Variants in CYB5B observed in about 807,000 individuals in gnomAD.
CYB5B encodes the protein cytochrome b5 type B.
In CYB5B, 14 loss-of-function variants were observed where a neutral mutation model predicts 21.3. The ratio of observed to expected loss-of-function variants is 0.66; its 90% CI spans 0.43 to 1.03. The LOEUF is 1.03. Ranked by LOEUF, CYB5B falls within the 50% of genes least tolerant of loss-of-function variation. The pLI, the probability that CYB5B is intolerant of heterozygous loss-of-function variation, is 0.00. For missense variants in CYB5B, 166 were observed against 185.1 expected (o/e 0.90, Z 0.60); for synonymous variants, 69 against 68.4 (o/e 1.01, Z -0.04).
chr16:69,449,004 G>A (rs2014905595), intron 3 of CYB5B: 1 of 152,158 alleles, frequency 6.6e-6, no homozygotes, highest in Admixed American at 6.6e-5. Context: ...TAACTCAAGA[G>A]ATTGCTTGCT....
chr16:69,436,577 C>CT (rs1202515665), intron 1 of CYB5B, among the ~76,000 whole-genome samples: 4 of 152,212 alleles, frequency 2.6e-5, no homozygotes, highest in Admixed American at 2.6e-4. Context: ...GCCCTGCAGA[C>CT]TGTTTTTTAG....
At chr16:69,428,810 A>AG (rs2142807783) in intron 1 of CYB5B, among the ~76,000 whole-genome samples, 1 of 152,296 alleles carries the variant, frequency 6.6e-6, no homozygotes, top group South Asian at 2.1e-4. Context: ...GCTAGCCATG[A>AG]GGGTATCTGT....
In CYB5B at chr16:69,459,151, G is replaced by A. The variant is rs370741911; in HGVS notation, c.362+30G>A. The A allele has an allele frequency of 8.7e-5, 139 of 1,596,508 alleles. No individual in the cohort carries two copies. In the African/African-American group the frequency reaches 1.3e-3, roughly 15 times the overall value. On this transcript the variant is annotated intron_variant, in intron 4 of 4. Transcript: ENST00000307892. ...GTATCTCCTTAACAGCTTTCCATAC[G>A]TTCAAGGTAATGTCTGGCAAGAGAC...
At chr16:69,428,945 A>C (rs907220285) in intron 1 of CYB5B, among the ~76,000 whole-genome samples, 3 of 152,212 alleles carry the variant, frequency 2.0e-5, no homozygotes, top group African/African-American at 7.2e-5. Flanking sequence ...ACATGAGATC[A>C]GAATGATCAG....
intron 3 of CYB5B, among the ~76,000 whole-genome samples, chr16:69,452,508 C>A (rs2014945221): frequency 1.3e-5 from 2 of 151,628 alleles, no homozygotes; most frequent in Admixed American, 1.3e-4. Context: ...TGGCGAAACC[C>A]CGTTTCTACT....
At chr16:69,426,838 T>G (rs1195146573) in intron 1 of CYB5B, among the ~76,000 whole-genome samples, 1 of 152,172 alleles carries the variant, frequency 6.6e-6, no homozygotes, top group Non-Finnish European at 1.5e-5. Context: ...ATCCCTTGAT[T>G]TCTCTTGTCT....
chr16:69,433,272 AT>A (rs2142810721), intron 1 of CYB5B, among the ~76,000 whole-genome samples: 1 of 152,158 alleles, frequency 6.6e-6, no homozygotes, highest in East Asian at 1.9e-4. Context: ...AACCTAGGTA[AT>A]TTTTTTCATT....
intron 1 of CYB5B, among the ~76,000 whole-genome samples, chr16:69,429,439 A>G (rs2014683126): frequency 6.6e-6 from 1 of 152,088 alleles, no homozygotes; most frequent in African/African-American, 2.4e-5. Context: ...TCCTTTAGCT[A>G]GACACAGAGT....
intron 1 of CYB5B, chr16:69,444,129 C>A: frequency 6.4e-6 from 1 of 155,364 alleles, no homozygotes. Flanking sequence ...GGCTCTGCTT[C>A]AAATTAGGAC....
intron 1 of CYB5B, among the ~76,000 whole-genome samples, chr16:69,433,579 A>G (rs2014728696): frequency 6.6e-6 from 1 of 152,178 alleles, no homozygotes; most frequent in African/African-American, 2.4e-5. Context: ...ATGGATCATT[A>G]TTTAAGCAGT....
intron 3 of CYB5B, chr16:69,450,091 G>A (rs1482872555): frequency 6.6e-6 from 1 of 151,918 alleles, no homozygotes; most frequent in East Asian, 1.9e-4. Context: ...ATTATAATGT[G>A]TGCCTGCAGT....
intron 1 of CYB5B, among the ~76,000 whole-genome samples, chr16:69,433,867 G>C (rs976878440): frequency 2.0e-5 from 3 of 152,212 alleles, no homozygotes; most frequent in African/African-American, 7.2e-5. Flanking sequence ...AACCTAGGTA[G>C]TATAGCCTGC....
At chr16:69,462,345 A>T in intron 4 of CYB5B, 85 bp from the exon 5 acceptor site, 1 of 1,085,836 alleles carries the variant, frequency 9.2e-7, no homozygotes, top group Non-Finnish European at 1.4e-6. Flanking sequence ...CTCCTTGCCT[A>T]TATAAAAACA....
intron 1 of CYB5B, among the ~76,000 whole-genome samples, chr16:69,442,593 T>C (rs907084105): frequency 6.6e-5 from 10 of 152,150 alleles, no homozygotes; most frequent in African/African-American, 2.4e-4. Flanking sequence ...AGTGGCGCCA[T>C]GCCTCGAATT....
At chr16:69,450,922 A>G (rs150065071) in intron 3 of CYB5B, among the ~76,000 whole-genome samples, 2 of 152,324 alleles carry the variant, frequency 1.3e-5, no homozygotes, top group African/African-American at 4.8e-5. Flanking sequence ...TTGCTATTCC[A>G]AAGTGTAAGT....
At chr16:69,442,825 CTTTT>C (rs11436895) in intron 1 of CYB5B, among the ~76,000 whole-genome samples, 3 of 136,150 alleles carry the variant, frequency 2.2e-5, no homozygotes, top group Non-Finnish European at 1.6e-5. Context: ...CCTAGCTATC[CTTTT>C]TTTTTTTTTT....
At chr16:69,446,833 CTCTT>C (rs2014882739) in intron 1 of CYB5B, among the ~76,000 whole-genome samples, 1 of 152,208 alleles carries the variant, frequency 6.6e-6, no homozygotes, top group Non-Finnish European at 1.5e-5. Context: ...AGTTTCTTCA[CTCTT>C]TCTTTGACTT....
intron 4 of CYB5B, among the ~76,000 whole-genome samples, chr16:69,460,764 C>G (rs1366871885): frequency 6.6e-6 from 1 of 152,050 alleles, no homozygotes; most frequent in African/African-American, 2.4e-5. Context: ...ACATCAGAGA[C>G]AACCCTAATA....
chr16:69,460,523 T>C (rs901212193), intron 4 of CYB5B, among the ~76,000 whole-genome samples: 1 of 152,170 alleles, frequency 6.6e-6, no homozygotes, highest in East Asian at 1.9e-4. Flanking sequence ...ATTTTGCAAA[T>C]AAGAGTTGGT....
Sources: allele counts gnomAD v4.1 joint callset (sites outside exome capture counted in the v4.1 genomes callset), GRCh38; gene constraint gnomAD v4.1.1; transcripts MANE v1.5; gene names NCBI Gene and HGNC (gene_info 2026-07-23, HGNC 2026-07-21).